Variants in HMGA1 observed in about 807,000 individuals in gnomAD.
HMGA1 encodes high mobility group AT-hook 1.
HMGA1 carries 1 observed loss-of-function variant against 15.1 expected under a neutral mutation model. That is an observed-to-expected ratio of 0.07 (90% CI 0.02 to 0.31). The LOEUF is 0.31. HMGA1 is among the 10% of genes least tolerant of loss of function. The pLI is 1.00. For synonymous variants in HMGA1, 56 were observed against 54.8 expected, an observed-to-expected ratio of 1.02 and a Z score of -0.10; for missense variants, 94 against 141.4, an observed-to-expected ratio of 0.66 and a Z score of 1.70.
At chr6:34,241,739 C>T (rs1011905) in intron 3 of HMGA1, among the ~76,000 whole-genome samples, 11,734 of 152,270 alleles carry the variant, frequency 0.077, 474 homozygotes, top group African/African-American at 0.1. Context: ...ACTTCCCTTC[C>T]CTGGGAGAGA....
In HMGA1 at chr6:34,245,596, C is replaced by G; in HGVS notation, c.*712C>G. ...AGCCCCCTTGCCCTCCGCCTGGGAT[C>G]TGAGTACATATTGTGGTGATGGAGA... On this transcript the variant is annotated 3_prime_UTR_variant, in exon 6 of 6. Coordinates refer to ENST00000311487, the MANE Select transcript of HMGA1 (RefSeq NM_145899.3). 7.2e-7 allele frequency: 1 copy of G among 1,381,764 alleles called. No individual in the cohort carries two copies. Among genetic ancestry groups the G allele is most frequent in the Middle Eastern group, 2.0e-4 (1 of 5,128 alleles). 85.6% of individuals were successfully genotyped at this position (1,381,764 alleles called of 1,614,324 possible). A position where few individuals can be genotyped will look rare whatever the true frequency, so the allele number is the denominator to read the frequency against.
At chr6:34,244,472 A>C (rs1581812258) in intron 5 of HMGA1, among the ~76,000 whole-genome samples, 1 of 147,794 alleles carries the variant, frequency 6.8e-6, no homozygotes, top group African/African-American at 2.5e-5. Flanking sequence ...ACCCCTTCCC[A>C]TTTCCTCCCC....
At chr6:34,239,259 CT>C (rs1361749926) in intron 2 of HMGA1, among the ~76,000 whole-genome samples, 2 of 150,386 alleles carry the variant, frequency 1.3e-5, no homozygotes, top group East Asian at 3.9e-4. Context: ...GGTAAAAACT[CT>C]TTTTCTTCTT....
At position 34,237,387 on chromosome 6, in the gene HMGA1, C is replaced by T. The variant is rs1019796085; in HGVS notation, c.-45+70C>T. ...GCCCGCGCCCCCGCCCGCACGTCGC[C>T]CCTCCTGCGAGCCGCCCGGGGCTGC... On this transcript the variant is annotated intron_variant, in intron 2 of 5. Coordinates refer to ENST00000311487, the MANE Select transcript of HMGA1 (RefSeq NM_145899.3). The T allele has an allele frequency of 4.1e-4, 59 of 144,964 alleles. No homozygotes were observed. In the East Asian group the frequency reaches 7.1e-3, roughly 18 times the overall value. The allele number at this position is 144,964 out of a possible 1,614,324, so 9.0% of individuals were successfully genotyped here. A position where few individuals can be genotyped will look rare whatever the true frequency, so the allele number is the denominator to read the frequency against.
intron 2 of HMGA1, among the ~76,000 whole-genome samples, chr6:34,237,602 G>T (rs1761888024): frequency 6.8e-6 from 1 of 147,182 alleles, no homozygotes; most frequent in Non-Finnish European, 1.5e-5. Flanking sequence ...GAGGGGGCGC[G>T]CAGCTGCGGC....
chr6:34,243,089 C>T (rs988127610), intron 4 of HMGA1, among the ~76,000 whole-genome samples: 2 of 152,170 alleles, frequency 1.3e-5, no homozygotes, highest in Non-Finnish European at 2.9e-5. Flanking sequence ...TGGAGGGTCC[C>T]TGCCAGTCCC....
At position 34,245,392 on chromosome 6, in the gene HMGA1, C is replaced by T. The variant is rs899604561; in HGVS notation, c.*508C>T. 3.7e-6 allele frequency: 5 copies of T among 1,356,252 alleles called. No homozygotes were observed. In the African/African-American group the frequency reaches 7.2e-5, roughly 19 times the overall value. The allele number at this position is 1,356,252 out of a possible 1,614,324, so 84.0% of individuals were successfully genotyped here. On this transcript the variant is annotated 3_prime_UTR_variant, in exon 6 of 6. Coordinates refer to ENST00000311487, the MANE Select transcript of HMGA1 (RefSeq NM_145899.3). ...ACTGCCCTGGCAGCAGCAGGTGTGG[C>T]CAATGGAGGGGGGTGCTGGCCCCCA... is the stretch of plus-strand genomic sequence containing the variant.
rs1458431537 is a variant in HMGA1 at position 34,246,118 on chromosome 6, A to G, written c.*1234A>G. On this transcript the variant is annotated 3_prime_UTR_variant, in exon 6 of 6. Coordinates refer to ENST00000311487, the MANE Select transcript of HMGA1 (RefSeq NM_145899.3). Reference sequence around the variant, plus strand: ...ATCGACCATAAAGGGTGTAGGGGCCACCTCCTCCCCCTGTTCTGTTGGGGA... The same window carrying G: ...ATCGACCATAAAGGGTGTAGGGGCCGCCTCCTCCCCCTGTTCTGTTGGGGA... 3 of 239,556 alleles carry G rather than the reference A, an allele frequency of 1.3e-5. No individual in the cohort carries two copies. Among genetic ancestry groups the G allele is most frequent in the African/African-American group, 2.2e-5 (1 of 44,774 alleles). The allele number at this position is 239,556 out of a possible 1,614,324, so 14.8% of individuals were successfully genotyped here.
Position 34,245,683 on chromosome 6 carries a change from G to C in HMGA1, c.*799G>C. ...CTGTGGCCGCCACCTGAGGTGGGCTGGGGCTGCTCCCCTAACCCTACTTTG... is the reference window on the plus strand; with the variant it reads ...CTGTGGCCGCCACCTGAGGTGGGCTCGGGCTGCTCCCCTAACCCTACTTTG... On this transcript the variant is annotated 3_prime_UTR_variant, in exon 6 of 6. Transcript: ENST00000311487. The C allele has an allele frequency of 8.5e-7, 1 of 1,176,166 alleles. No homozygotes were observed. The highest frequency in any genetic ancestry group is 1.4e-5 in the South Asian group (1 of 71,770). 72.9% of individuals were successfully genotyped at this position (1,176,166 alleles called of 1,614,324 possible). A position where few individuals can be genotyped will look rare whatever the true frequency, so the allele number is the denominator to read the frequency against.
At chr6:34,237,360 G>T (rs1363129569) in intron 2 of HMGA1, 43 bp downstream of exon 2, 1 of 145,512 alleles carries the variant, frequency 6.9e-6, no homozygotes, top group African/African-American at 2.5e-5. Flanking sequence ...GCGGAGGGGG[G>T]CGCCCGCGCC....
Position 34,245,553 on chromosome 6 carries a change from C to G in HMGA1, c.*669C>G, listed in dbSNP as rs1309681119. On this transcript the variant is annotated 3_prime_UTR_variant, in exon 6 of 6. Coordinates refer to ENST00000311487, the MANE Select transcript of HMGA1 (RefSeq NM_145899.3). The stretch of plus-strand genomic sequence containing the variant: ...GGCAGGAGGGGTGAGTCCCCTACTC[C>G]CTCTTCACTGTGGCCACAGCCCCCT... 7.2e-7 allele frequency: 1 copy of G among 1,379,900 alleles called. No individual in the cohort carries two copies. Among genetic ancestry groups the G allele is most frequent in the Non-Finnish European group, 9.7e-7 (1 of 1,035,082 alleles). The allele number at this position is 1,379,900 out of a possible 1,614,324, so 85.5% of individuals were successfully genotyped here.
chr6:34,240,075 A>G (rs1485041217), intron 2 of HMGA1, among the ~76,000 whole-genome samples: 1 of 152,040 alleles, frequency 6.6e-6, no homozygotes, highest in Admixed American at 6.5e-5. Context: ...AGCTTCAACC[A>G]TCTCCTCCCT....
intron 2 of HMGA1, among the ~76,000 whole-genome samples, chr6:34,239,543 A>G (rs1762125225): frequency 1.3e-5 from 2 of 152,286 alleles, no homozygotes; most frequent in East Asian, 1.9e-4. Context: ...CAGGTACCTT[A>G]TAATTACCTT....
intron 2 of HMGA1, chr6:34,239,063 C>G (rs1762075125): frequency 6.6e-6 from 1 of 152,148 alleles, no homozygotes; most frequent in African/African-American, 2.4e-5. Flanking sequence ...CAGGCCAAGC[C>G]ACTAATGACG....
At chr6:34,240,373 A>G (rs1762200729) in intron 2 of HMGA1, among the ~76,000 whole-genome samples, 1 of 152,152 alleles carries the variant, frequency 6.6e-6, no homozygotes, top group South Asian at 2.1e-4. Context: ...GGATGCTGGC[A>G]ATACGTCAGA....
intron 4 of HMGA1, 100 bp from the exon 5 acceptor site, chr6:34,243,368 C>A: frequency 1.1e-6 from 1 of 915,050 alleles, no homozygotes; most frequent in Non-Finnish European, 1.8e-6. Context: ...TGTTGGGTCA[C>A]CCTGAACAGG....
chr6:34,240,161 C>T (rs574215410), intron 2 of HMGA1, among the ~76,000 whole-genome samples: 1 of 152,190 alleles, frequency 6.6e-6, no homozygotes, highest in Non-Finnish European at 1.5e-5. Context: ...GTGGTGGGCA[C>T]CACCCCTGGC....
At chr6:34,244,052 C>T (rs1486819521) in intron 5 of HMGA1, among the ~76,000 whole-genome samples, 1 of 151,802 alleles carries the variant, frequency 6.6e-6, no homozygotes, top group Non-Finnish European at 1.5e-5. Flanking sequence ...CAAGAAGCTG[C>T]CTCTAGGGGG....
chr6:34,237,641 C>G (rs1298978537), intron 2 of HMGA1, among the ~76,000 whole-genome samples: 4 of 148,646 alleles, frequency 2.7e-5, no homozygotes, highest in Non-Finnish European at 6.0e-5. Flanking sequence ...CGGCGGAGCC[C>G]GGAGGAGCCC....
Sources: allele counts gnomAD v4.1 joint callset (sites outside exome capture counted in the v4.1 genomes callset), GRCh38; gene constraint gnomAD v4.1.1; transcripts MANE v1.5; gene names NCBI Gene and HGNC (gene_info 2026-07-23, HGNC 2026-07-21).